The following PIK3C3 variants were observed in gnomAD, a reference collection of about 807,000 sequenced individuals.
PIK3C3 encodes PI3-kinase type 3.
PIK3C3 carries 95 observed loss-of-function variants against 126.1 expected under a neutral mutation model. The ratio of observed to expected loss-of-function variants is 0.75; its 90% CI spans 0.64 to 0.89. The LOEUF is 0.89. PIK3C3 is among the 40% of genes least tolerant of loss of function. The probability of loss-of-function intolerance (pLI) is 0.00; values close to 1 mark genes in which losing one functional copy is unlikely to be tolerated. For missense variants in PIK3C3, 829 were observed against 1,063.2 expected, an observed-to-expected ratio of 0.78 and a Z score of 3.06; for synonymous variants, 374 against 360.0, an observed-to-expected ratio of 1.04 and a Z score of -0.44.
chr18:41,993,922 G>A (rs974487958), intron 7 of PIK3C3, among the ~76,000 whole-genome samples: 4 of 152,086 alleles, frequency 2.6e-5, no homozygotes, highest in African/African-American at 7.2e-5. Context: ...GGTTTAATTA[G>A]ATGACTTTAG....
chr18:42,071,455 C>T (rs185730721), intron 24 of PIK3C3, among the ~76,000 whole-genome samples: 1 of 152,174 alleles, frequency 6.6e-6, no homozygotes, highest in Non-Finnish European at 1.5e-5. Context: ...CTCAGTGGCT[C>T]ATGCCTGTAA....
intron 10 of PIK3C3, among the ~76,000 whole-genome samples, chr18:42,010,381 G>A (rs1244834833): frequency 1.3e-5 from 2 of 151,912 alleles, no homozygotes; most frequent in East Asian, 3.9e-4. Flanking sequence ...TTTTGTTGTT[G>A]TTGAGATGGA....
intron 15 of PIK3C3, 100 bp from the exon 16 acceptor site, chr18:42,033,726 A>G (rs1253652305): frequency 1.2e-6 from 1 of 838,664 alleles, no homozygotes; most frequent in Non-Finnish European, 1.8e-6. Flanking sequence ...TGCTTTGCAA[A>G]TACTTTTAAG....
rs111618621 is a variant in PIK3C3, at chr18:42,080,976, A to C, written c.2650-147A>C. 3.0e-4 allele frequency: 165 copies of C among 550,940 alleles called. No individual in the cohort carries two copies. In the African/African-American group the frequency reaches 3.0e-3, roughly 10 times the overall value. The allele number at this position is 550,940 out of a possible 1,614,324, so 34.1% of individuals were successfully genotyped here. ...CTCAGGAATCCTATACAGTATAGTT[A>C]ATTGCAATCCTCTTGGTAGCATTTA... On this transcript the variant is annotated intron_variant, in intron 24 of 24. Coordinates refer to ENST00000262039, the MANE Select transcript of PIK3C3 (RefSeq NM_002647.4).
At chr18:42,023,019 C>CT (rs1239510917) in intron 13 of PIK3C3, among the ~76,000 whole-genome samples, 1 of 152,026 alleles carries the variant, frequency 6.6e-6, no homozygotes, top group Non-Finnish European at 1.5e-5. Flanking sequence ...GGGTATGTTT[C>CT]TAAGTTTTTG....
chr18:42,058,578 C>T (rs1210229609), intron 22 of PIK3C3, among the ~76,000 whole-genome samples: 1 of 152,166 alleles, frequency 6.6e-6, no homozygotes, highest in Non-Finnish European at 1.5e-5. Context: ...GAAGTTTGCT[C>T]AATGATTGTG....
Position 42,000,553 on chromosome 18 carries a change from G to A in PIK3C3, c.985-3803G>A, listed in dbSNP as rs572781501. Among the ~76,000 whole-genome samples the A allele has an allele frequency of 5.3e-5, 8 of 152,198 alleles. No individual in the cohort carries two copies. In the South Asian group the frequency reaches 1.2e-3, roughly 24 times the overall value. On this transcript the variant is annotated intron_variant, in intron 9 of 24. Coordinates refer to ENST00000262039, the MANE Select transcript of PIK3C3 (RefSeq NM_002647.4). The stretch of plus-strand genomic sequence containing the variant: ...GCCTGAACCTGATGGATTTATATAC[G>A]TGTGTGTTCATACCCCACTTTTGGT...
In PIK3C3 at chr18:42,057,913, T is replaced by A; in HGVS notation, c.2294T>A (p.Ile765Asn). ...GKLFHIDFGY[I>N]LGRDPKPLPP... ...CTCTTCCACATAGACTTTGGATATA[T>A]TTTGGGTCGGGATCCAAAGCCTCTT... Residue 765 changes from isoleucine to asparagine, a missense_variant, in exon 22 of 25, where the codon ATT (isoleucine) becomes AAT (asparagine). Ile to Asn is a moderately radical substitution (Grantham distance 149). Around this residue, in one of 4 missense-constraint regions of PIK3C3, gnomAD observed 196 missense variants for 312.8 expected, o/e 0.63. Coordinates refer to ENST00000262039, the MANE Select transcript of PIK3C3 (RefSeq NM_002647.4). 6.2e-7 allele frequency: 1 copy of A among 1,613,720 alleles called. No homozygotes were observed. Among genetic ancestry groups the A allele is most frequent in the South Asian group, 1.1e-5 (1 of 91,010 alleles).
chr18:42,003,187 G>A (rs1982373229), intron 9 of PIK3C3, among the ~76,000 whole-genome samples: 2 of 152,034 alleles, frequency 1.3e-5, no homozygotes, highest in Non-Finnish European at 2.9e-5. Context: ...GGTTCATTTA[G>A]TGTCATACTA....
chr18:42,070,997 T>G (rs1448181290), intron 24 of PIK3C3, among the ~76,000 whole-genome samples: 1 of 152,228 alleles, frequency 6.6e-6, no homozygotes, highest in Non-Finnish European at 1.5e-5. Context: ...TGTTTTCTAG[T>G]TCTTCATTAC....
At chr18:42,025,922 T>C (rs1419629726) in intron 13 of PIK3C3, 1 of 152,180 alleles carries the variant, frequency 6.6e-6, no homozygotes, top group Admixed American at 6.5e-5. Context: ...GCTGAAGATA[T>C]AGTGGAGAAC....
intron 4 of PIK3C3, 49 bp from the exon 5 acceptor site, chr18:41,987,763 T>A (rs1356432143): frequency 7.8e-7 from 1 of 1,286,158 alleles, no homozygotes; most frequent in Non-Finnish European, 1.1e-6. Flanking sequence ...TTGGTCCTTC[T>A]TTCTACTAGA....
chr18:41,977,648 C>T (rs1052975209), intron 4 of PIK3C3, among the ~76,000 whole-genome samples: 6 of 151,964 alleles, frequency 3.9e-5, no homozygotes, highest in South Asian at 2.1e-4. Context: ...CCGCCATGCC[C>T]GGCTAATTTT....
chr18:42,064,949 G>A, intron 23 of PIK3C3, 119 bp downstream of exon 23: 2 of 607,110 alleles, frequency 3.3e-6, no homozygotes, highest in Admixed American at 2.6e-5. Context: ...CCTGCCCACA[G>A]TCACATGAAT....
chr18:42,024,786 T>C (rs2144428522), intron 13 of PIK3C3, among the ~76,000 whole-genome samples: 1 of 151,356 alleles, frequency 6.6e-6, no homozygotes, highest in South Asian at 2.1e-4. Flanking sequence ...ATTATGAGCA[T>C]CAACATATTT....
At chr18:42,035,062 A>T (rs559893006) in intron 16 of PIK3C3, among the ~76,000 whole-genome samples, 7 of 152,278 alleles carry the variant, frequency 4.6e-5, no homozygotes, top group Admixed American at 1.3e-4. Flanking sequence ...CTTACAACCT[A>T]TTGGTTTTAA....
intron 10 of PIK3C3, among the ~76,000 whole-genome samples, chr18:42,004,950 C>A (rs1357485769): frequency 6.6e-6 from 1 of 152,128 alleles, no homozygotes; most frequent in African/African-American, 2.4e-5. Context: ...GCCCTTGGGG[C>A]CTTTAAAGCT....
At chr18:42,057,058 A>T in intron 21 of PIK3C3, among the ~76,000 whole-genome samples, 1 of 107,728 alleles carries the variant, frequency 9.3e-6, no homozygotes, top group African/African-American at 3.6e-5. Context: ...ATAGAAATGA[A>T]CCCCCCCCCC....
intron 10 of PIK3C3, among the ~76,000 whole-genome samples, chr18:42,008,920 G>A (rs1310052032): frequency 1.3e-5 from 2 of 151,928 alleles, no homozygotes; most frequent in Non-Finnish European, 2.9e-5. Context: ...CCCCTTCCTG[G>A]GGAATTTAAT....
Sources: allele counts gnomAD v4.1 joint callset (sites outside exome capture counted in the v4.1 genomes callset), GRCh38; gene constraint gnomAD v4.1.1; regional missense constraint gnomAD v4.1.1; transcripts MANE v1.5; gene names NCBI Gene and HGNC (gene_info 2026-07-23, HGNC 2026-07-21).